NELL1: variants seen among roughly 807,000 people sequenced by gnomAD.
The protein encoded by NELL1 is protein kinase C-binding protein NELL1.
Under a neutral mutation model 107.4 loss-of-function variants are expected in NELL1, and 76 were observed. That is an observed-to-expected ratio of 0.71 (90% CI 0.59 to 0.86). The LOEUF (loss-of-function observed/expected upper bound fraction) is 0.86. Ranked by LOEUF, NELL1 falls within the 40% of genes least tolerant of loss-of-function variation. The pLI is 0.00. For missense variants in NELL1, 1,024 were observed against 1,005.5 expected, an observed-to-expected ratio of 1.02 and a Z score of -0.25; for synonymous variants, 353 against 341.2, an observed-to-expected ratio of 1.03 and a Z score of -0.38.
At chr11:20,981,499 A>G (rs777336595) in intron 12 of NELL1, among the ~76,000 whole-genome samples, 1 of 152,210 alleles carries the variant, frequency 6.6e-6, no homozygotes, top group Non-Finnish European at 1.5e-5. Context: ...AGTGATGTAA[A>G]GTTCCTACTT....
chr11:20,704,109 A>T (rs1202712319), intron 2 of NELL1, among the ~76,000 whole-genome samples: 1 of 152,112 alleles, frequency 6.6e-6, no homozygotes, highest in Non-Finnish European at 1.5e-5. Context: ...TGGGGTGTTA[A>T]TGTCTCCCAT....
chr11:21,381,329 C>T (rs1470468355), intron 15 of NELL1, among the ~76,000 whole-genome samples: 4 of 151,920 alleles, frequency 2.6e-5, no homozygotes, highest in African/African-American at 9.7e-5. Context: ...TCTGAAGTCA[C>T]ACTACCTTAG....
chr11:20,968,985 G>T (rs1377000611), intron 12 of NELL1, among the ~76,000 whole-genome samples: 1 of 152,128 alleles, frequency 6.6e-6, no homozygotes, highest in Non-Finnish European at 1.5e-5. Flanking sequence ...GTTTTGGTGA[G>T]TGGCTTTTTG....
At chr11:20,953,104 C>T (rs1851100891) in intron 11 of NELL1, among the ~76,000 whole-genome samples, 1 of 152,220 alleles carries the variant, frequency 6.6e-6, no homozygotes, top group Admixed American at 6.5e-5. Context: ...GTGGACCTGA[C>T]TGTACATCTG....
chr11:21,170,705 TTATA>T (rs71063689), intron 13 of NELL1, among the ~76,000 whole-genome samples: 21 of 96,902 alleles, frequency 2.2e-4, no homozygotes, highest in African/African-American at 7.9e-4. Context: ...ATATACTGTA[TTATA>T]TATATATATA....
intron 15 of NELL1, among the ~76,000 whole-genome samples, chr11:21,408,886 A>G (rs1590909328): frequency 6.6e-6 from 1 of 152,120 alleles, no homozygotes; most frequent in Non-Finnish European, 1.5e-5. Flanking sequence ...ATGAGATACC[A>G]TCTCACACCA....
At chr11:20,748,103 C>T (rs981694891) in intron 2 of NELL1, among the ~76,000 whole-genome samples, 1 of 152,160 alleles carries the variant, frequency 6.6e-6, no homozygotes, top group Non-Finnish European at 1.5e-5. Flanking sequence ...CATTCTATAG[C>T]CAAAATTTTT....
intron 15 of NELL1, among the ~76,000 whole-genome samples, chr11:21,478,149 G>A (rs759790249): frequency 6.6e-6 from 1 of 152,108 alleles, no homozygotes; most frequent in Non-Finnish European, 1.5e-5. Flanking sequence ...GGTGGCAGGA[G>A]AAAGAGTGCA....
At chr11:20,991,508 G>A (rs1851970518) in intron 12 of NELL1, among the ~76,000 whole-genome samples, 1 of 152,230 alleles carries the variant, frequency 6.6e-6, no homozygotes, top group Admixed American at 6.5e-5. Context: ...CACATGCTCA[G>A]TTCAGCTAGA....
intron 14 of NELL1, among the ~76,000 whole-genome samples, chr11:21,361,614 A>G (rs895994793): frequency 2.6e-5 from 4 of 152,130 alleles, no homozygotes; most frequent in Non-Finnish European, 5.9e-5. Context: ...TTCTTCAGGA[A>G]CACCAATTAT....
chr11:21,031,963 T>C (rs1852968655), intron 12 of NELL1, among the ~76,000 whole-genome samples: 1 of 151,738 alleles, frequency 6.6e-6, no homozygotes, highest in Non-Finnish European at 1.5e-5. Flanking sequence ...GAGAATCGCT[T>C]GAACCTGGGA....
chr11:21,491,762 G>A (rs913283399), intron 15 of NELL1, among the ~76,000 whole-genome samples: 2 of 151,990 alleles, frequency 1.3e-5, no homozygotes, highest in South Asian at 2.1e-4. Flanking sequence ...GATGGGGATG[G>A]CACTGAATCT....
chr11:21,330,197 C>A (rs1428235664), intron 14 of NELL1, among the ~76,000 whole-genome samples: 2 of 151,898 alleles, frequency 1.3e-5, no homozygotes, highest in African/African-American at 4.8e-5. Flanking sequence ...ATGTTATAGG[C>A]TTAACAATAC....
intron 12 of NELL1, among the ~76,000 whole-genome samples, chr11:21,022,386 A>G (rs1852721703): frequency 6.6e-6 from 1 of 152,038 alleles, no homozygotes; most frequent in Non-Finnish European, 1.5e-5. Flanking sequence ...TTTGGGGGAG[A>G]TGCTCAAAAC....
chr11:21,261,627 G>A (rs1791821), intron 14 of NELL1, among the ~76,000 whole-genome samples: 137,066 of 151,770 alleles, frequency 0.9, 62,047 homozygotes, highest in Non-Finnish European at 0.93. Flanking sequence ...CCAAGGTCAA[G>A]TAGCTATTAA....
chr11:21,481,943 G>A (rs1338519963), intron 15 of NELL1, among the ~76,000 whole-genome samples: 2 of 152,162 alleles, frequency 1.3e-5, no homozygotes, highest in East Asian at 3.9e-4. Context: ...ATAGGAATCA[G>A]AACCAGGTTT....
At chr11:20,895,518 T>G (rs1483543853) in intron 5 of NELL1, among the ~76,000 whole-genome samples, 1 of 141,534 alleles carries the variant, frequency 7.1e-6, no homozygotes, top group African/African-American at 2.5e-5. Flanking sequence ...TTTTTTTTTT[T>G]TTTTTGAGAC....
At chr11:21,505,565 T>C (rs1456902088) in intron 15 of NELL1, among the ~76,000 whole-genome samples, 1 of 152,210 alleles carries the variant, frequency 6.6e-6, no homozygotes, top group Non-Finnish European at 1.5e-5. Flanking sequence ...CTTCAATGTT[T>C]CCTGAACACT....
chr11:20,931,324 G>A (rs534142449), intron 9 of NELL1, among the ~76,000 whole-genome samples: 16 of 152,126 alleles, frequency 1.1e-4, no homozygotes, highest in Non-Finnish European at 2.4e-4. Context: ...TAAGCAGTGG[G>A]GTGGAGAAGA....
Sources: allele counts gnomAD v4.1 joint callset (sites outside exome capture counted in the v4.1 genomes callset), GRCh38; gene constraint gnomAD v4.1.1; transcripts MANE v1.5; gene names NCBI Gene and HGNC (gene_info 2026-07-23, HGNC 2026-07-21).